Variants in COL22A1 observed in about 807,000 individuals in gnomAD.
The protein encoded by COL22A1 is collagen alpha-1(XXII) chain.
In COL22A1, 221 loss-of-function variants were observed where a neutral mutation model predicts 248.9. The observed-to-expected ratio is 0.89, with a 90% CI of 0.80 to 0.99. COL22A1 has a LOEUF of 0.99. Among genes scored for constraint, COL22A1 ranks in the 50% least tolerant of loss-of-function variants. COL22A1 has a pLI of 0.00. For synonymous variants in COL22A1, 891 were observed against 793.4 expected (o/e 1.12, Z -2.07); for missense variants, 2,240 against 2,179.0 (o/e 1.03, Z -0.56).
chr8:138,857,254 C>T (rs1166837342), intron 3 of COL22A1, among the ~76,000 whole-genome samples: 1 of 152,164 alleles, frequency 6.6e-6, no homozygotes, highest in Non-Finnish European at 1.5e-5. Context: ...CCACTGCTCA[C>T]ACTCAGAGCC....
Position 138,830,308 on chromosome 8 carries a change from A to G in COL22A1, c.845+2731T>C, listed in dbSNP as rs76458145. ...CGTTTCTGTTATTGTCATGAGAAAT[A>G]AATTAGATAAGGTGCGTCAATGCCC... On this transcript the variant is annotated intron_variant, in intron 5 of 64. Coordinates refer to ENST00000303045, the MANE Select transcript of COL22A1 (RefSeq NM_152888.3). Among the ~76,000 whole-genome samples the G allele has an allele frequency of 9.0e-3, 1,373 of 152,364 alleles. 8 individuals carry two copies. The highest frequency in any genetic ancestry group is 0.017 in the Middle Eastern group (5 of 294).
intron 16 of COL22A1, among the ~76,000 whole-genome samples, chr8:138,773,554 A>G (rs1431189733): frequency 1.3e-5 from 2 of 152,246 alleles, no homozygotes; most frequent in African/African-American, 4.8e-5. Flanking sequence ...GCAAATGTGT[A>G]TCAAAGGCCA....
At position 138,720,745 on chromosome 8, in the gene COL22A1, G is replaced by T. The variant is rs1296066347; in HGVS notation, c.2349C>A (p.Gly783=). The T allele has an allele frequency of 3.1e-6, 5 of 1,613,618 alleles. No individual in the cohort carries two copies. In the South Asian group the frequency reaches 4.4e-5, roughly 14 times the overall value. The change falls in exon 27 of 65, where the codon GGC becomes GGA. Residue 783 remains glycine (G), a synonymous_variant. Transcript: ENST00000303045. ...AAAGAGGCAAAGTCCATACCCGAAG[G>T]CCTGGTTTTCCAGGCAGACCATCTT... ...RGEDGLPGKP[G]LRGEIGEQGL...
intron 3 of COL22A1, among the ~76,000 whole-genome samples, chr8:138,852,197 A>T (rs1821695887): frequency 1.3e-5 from 2 of 151,788 alleles, no homozygotes; most frequent in African/African-American, 4.8e-5. Context: ...CCCTGGTAAG[A>T]TGTGTCACCC....
intron 23 of COL22A1, among the ~76,000 whole-genome samples, chr8:138,730,739 G>T (rs896930144): frequency 2.6e-5 from 4 of 152,120 alleles, no homozygotes; most frequent in African/African-American, 4.8e-5. Context: ...GAGCTCAGAG[G>T]AAGGCATGGT....
intron 32 of COL22A1, among the ~76,000 whole-genome samples, chr8:138,697,070 C>T (rs948160902): frequency 6.6e-6 from 1 of 152,086 alleles, no homozygotes; most frequent in Admixed American, 6.5e-5. Flanking sequence ...TGAGGACCTA[C>T]GGAGGGTCAG....
intron 3 of COL22A1, among the ~76,000 whole-genome samples, chr8:138,867,144 C>T (rs567368865): frequency 6.6e-6 from 1 of 152,214 alleles, no homozygotes; most frequent in South Asian, 2.1e-4. Flanking sequence ...AGTGTGAGAG[C>T]AGCCATCGAC....
At chr8:138,688,723 T>C (rs1826568458) in intron 37 of COL22A1, among the ~76,000 whole-genome samples, 194 bp downstream of exon 37, 1 of 152,020 alleles carries the variant, frequency 6.6e-6, no homozygotes, top group African/African-American at 2.4e-5. Context: ...AATGGGCACT[T>C]GTCTGATTCT....
intron 30 of COL22A1, among the ~76,000 whole-genome samples, chr8:138,707,875 A>G (rs1203571756): frequency 6.6e-6 from 1 of 152,202 alleles, no homozygotes; most frequent in East Asian, 1.9e-4. Context: ...ATGATTGTAT[A>G]TTTAGAAAAC....
Position 138,722,102 on chromosome 8 carries a change from G to A in COL22A1, c.2248-13C>T. The A allele has an allele frequency of 4.5e-6, 7 of 1,568,484 alleles. No individual in the cohort carries two copies. Among genetic ancestry groups the A allele is most frequent in the Non-Finnish European group, 6.1e-6 (7 of 1,155,724 alleles). On this transcript the variant is annotated splice_polypyrimidine_tract_variant and intron_variant, in intron 25 of 64. Transcript: ENST00000303045. ...TTCCAGGGGGTCCCTGGGCCAAGAG[G>A]GGAAAACATAAATAAAAAGGAAAGG...
chr8:138,769,486 C>T (rs1834182337), intron 16 of COL22A1, among the ~76,000 whole-genome samples: 1 of 152,178 alleles, frequency 6.6e-6, no homozygotes, highest in African/African-American at 2.4e-5. Context: ...ACCCAGACAC[C>T]TCCAAGCTAA....
intron 16 of COL22A1, among the ~76,000 whole-genome samples, chr8:138,771,823 C>A (rs1834390193): frequency 6.6e-6 from 1 of 152,202 alleles, no homozygotes; most frequent in African/African-American, 2.4e-5. Flanking sequence ...GCAGCTGTCC[C>A]AGTGGCAGAC....
At chr8:138,766,790 G>A (rs1193944090) in intron 16 of COL22A1, among the ~76,000 whole-genome samples, 1 of 152,202 alleles carries the variant, frequency 6.6e-6, no homozygotes, top group Non-Finnish European at 1.5e-5. Flanking sequence ...TCTGGGACAG[G>A]CAGTGGAACC....
At chr8:138,667,773 C>A (rs192690984) in intron 41 of COL22A1, among the ~76,000 whole-genome samples, 3 of 152,218 alleles carry the variant, frequency 2.0e-5, no homozygotes, top group African/African-American at 4.8e-5. Context: ...CTAATTGGTA[C>A]GAGCATTAGA....
intron 3 of COL22A1, among the ~76,000 whole-genome samples, chr8:138,844,834 C>T (rs1045569726): frequency 2.6e-5 from 4 of 151,740 alleles, no homozygotes; most frequent in Non-Finnish European, 4.4e-5. Context: ...CCTGTAGTCC[C>T]AGCTACTCGG....
chr8:138,784,265 G>C (rs942942553), intron 12 of COL22A1, among the ~76,000 whole-genome samples: 1 of 152,250 alleles, frequency 6.6e-6, no homozygotes, highest in African/African-American at 2.4e-5. Context: ...GGGCAGACAA[G>C]TGGTTTGGGA....
chr8:138,852,750 GGGA>G (rs912083847), intron 3 of COL22A1, among the ~76,000 whole-genome samples: 2 of 152,128 alleles, frequency 1.3e-5, no homozygotes, highest in African/African-American at 4.8e-5. Flanking sequence ...CCAGTGAGGT[GGGA>G]GGAGAACCAG....
At chr8:138,608,955 A>G (rs1326871872) in intron 56 of COL22A1, among the ~76,000 whole-genome samples, 1 of 152,214 alleles carries the variant, frequency 6.6e-6, no homozygotes, top group African/African-American at 2.4e-5. Context: ...GACACACAGG[A>G]GGTTTCCTGC....
At position 138,589,453 on chromosome 8, in the gene COL22A1, G is replaced by A; in HGVS notation, c.4694-13C>T. 13 of 1,507,540 alleles carry A rather than the reference G, an allele frequency of 8.6e-6. No homozygotes were observed. Among genetic ancestry groups the A allele is most frequent in the Non-Finnish European group, 1.2e-5 (13 of 1,130,068 alleles). The allele number at this position is 1,507,540 out of a possible 1,614,324, so 93.4% of individuals were successfully genotyped here. ...TCCCCGGGTTGACCTGGCCCAAGGAGCAAAAGAAACAGAAGGTGGTTCAAG... is the reference window on the plus strand; with the variant it reads ...TCCCCGGGTTGACCTGGCCCAAGGAACAAAAGAAACAGAAGGTGGTTCAAG... On this transcript the variant is annotated splice_polypyrimidine_tract_variant and intron_variant, in intron 64 of 64. Transcript: ENST00000303045.
Sources: allele counts gnomAD v4.1 joint callset (sites outside exome capture counted in the v4.1 genomes callset), GRCh38; gene constraint gnomAD v4.1.1; transcripts MANE v1.5; gene names NCBI Gene and HGNC (gene_info 2026-07-23, HGNC 2026-07-21).